Variants in EHMT1 observed in about 807,000 individuals in gnomAD.
The protein encoded by EHMT1 is euchromatic histone lysine methyltransferase 1.
In EHMT1, 15 loss-of-function variants were observed where a neutral mutation model predicts 147.2. That is an observed-to-expected ratio of 0.10 (90% confidence interval 0.07 to 0.16). The LOEUF (loss-of-function observed/expected upper bound fraction) is 0.16. Ranked by LOEUF, EHMT1 falls within the 10% of genes least tolerant of loss-of-function variation. The pLI, the probability that EHMT1 is intolerant of heterozygous loss-of-function variation, is 1.00. For synonymous variants in EHMT1, 795 were observed against 709.6 expected, an observed-to-expected ratio of 1.12 and a Z score of -1.91; for missense variants, 1,587 against 1,772.4, an observed-to-expected ratio of 0.90 and a Z score of 1.88.
At chr9:137,799,659 C>T (rs117017425) in intron 17 of EHMT1, among the ~76,000 whole-genome samples, 1 of 152,348 alleles carries the variant, frequency 6.6e-6, no homozygotes, top group East Asian at 1.9e-4. Flanking sequence ...CTCACGCTCG[C>T]TCTCACTCCT....
In EHMT1 at chr9:137,813,105, G is replaced by A. The variant is rs552223359; in HGVS notation, c.2967G>A (p.Leu989=). The change falls in exon 20 of 27, where the codon CTG becomes CTA. Residue 989 remains leucine (L), a synonymous_variant. Transcript: ENST00000460843. The surrounding 1 kb of genome is among the most constrained non-coding windows in gnomAD (Gnocchi z 4.9). ...TCAACTCTCAGGTGTGGAGCGCTCT[G>A]CAGATGAGCAAGGCTCTGCAGGACT... ...ASLNSQVWSA[L]QMSKALQDSA... is the part of the protein sequence containing the mutation. 1.9e-6 allele frequency: 3 copies of A among 1,613,438 alleles called. No homozygotes were observed. The highest frequency in any genetic ancestry group is 4.5e-5 in the East Asian group (2 of 44,878).
At chr9:137,805,390 C>T (rs1168263714) in intron 18 of EHMT1, among the ~76,000 whole-genome samples, 2 of 152,166 alleles carry the variant, frequency 1.3e-5, no homozygotes, top group African/African-American at 2.4e-5. Flanking sequence ...GTGAGCCAGT[C>T]GTCCACATGT....
At chr9:137,751,787 CTG>C (rs1244126337) in intron 6 of EHMT1, among the ~76,000 whole-genome samples, 5 of 152,168 alleles carry the variant, frequency 3.3e-5, no homozygotes, top group Non-Finnish European at 7.4e-5. Context: ...GCACTGTCGT[CTG>C]TGGGCCCACG....
chr9:137,633,490 T>C (rs1241488426), intron 1 of EHMT1, among the ~76,000 whole-genome samples: 1 of 152,184 alleles, frequency 6.6e-6, no homozygotes, highest in Non-Finnish European at 1.5e-5. Context: ...TCTTTGAAAA[T>C]GTCTTCACAC....
At chr9:137,665,079 GAGA>G (rs1939486606) in intron 1 of EHMT1, 1 of 152,214 alleles carries the variant, frequency 6.6e-6, no homozygotes. Context: ...AGCATTTATA[GAGA>G]AGGATTGGTG....
intron 2 of EHMT1, chr9:137,715,799 T>C (rs1420971085): frequency 1.0e-6 from 1 of 985,302 alleles, no homozygotes; most frequent in Admixed American, 6.1e-5. Context: ...CTCTGTTAGT[T>C]ATTGTGAAGC....
intron 1 of EHMT1, among the ~76,000 whole-genome samples, chr9:137,658,601 G>A (rs1207172102): frequency 2.0e-5 from 3 of 151,012 alleles, no homozygotes; most frequent in Non-Finnish European, 2.9e-5. Flanking sequence ...TTATAAAATT[G>A]CATAGAAAAA....
At chr9:137,802,239 C>T (rs748360733) in intron 18 of EHMT1, among the ~76,000 whole-genome samples, 2 of 152,178 alleles carry the variant, frequency 1.3e-5, no homozygotes, top group Non-Finnish European at 2.9e-5. Context: ...CCTCCCAAGA[C>T]GGGCATAGAC....
At chr9:137,716,081 C>CATG (rs1564626305) in intron 2 of EHMT1, among the ~76,000 whole-genome samples, 24 of 52,280 alleles carry the variant, frequency 4.6e-4, no homozygotes, top group African/African-American at 1.7e-3. Context: ...ATTGTGGTGT[C>CATG]GTGGTGGGGG....
chr9:137,785,526 C>T (rs553745242), intron 15 of EHMT1: 2 of 151,884 alleles, frequency 1.3e-5, no homozygotes, highest in African/African-American at 4.9e-5. Flanking sequence ...TCCTCCTGTG[C>T]CTGGAATTCC....
intron 1 of EHMT1, chr9:137,638,152 C>G (rs1193853383): frequency 6.6e-6 from 1 of 151,662 alleles, no homozygotes; most frequent in Non-Finnish European, 1.5e-5. Context: ...GCCCTTTTGC[C>G]CAGGCTGGAG....
intron 1 of EHMT1, among the ~76,000 whole-genome samples, chr9:137,661,062 GGATGTTTTTAT>G (rs1939025261): frequency 6.6e-6 from 1 of 152,140 alleles, no homozygotes; most frequent in Non-Finnish European, 1.5e-5. Flanking sequence ...CAATGCTAGT[GGATGTTTTTAT>G]TCTTGGTTTT....
intron 4 of EHMT1, among the ~76,000 whole-genome samples, chr9:137,739,744 C>T (rs1028598639): frequency 5.3e-5 from 8 of 152,240 alleles, no homozygotes; most frequent in Non-Finnish European, 1.2e-4. Flanking sequence ...AGGACATGCC[C>T]AGAGTGGAGG....
intron 1 of EHMT1, among the ~76,000 whole-genome samples, chr9:137,627,107 C>T (rs200163068): frequency 1.7e-4 from 26 of 152,102 alleles, no homozygotes; most frequent in Admixed American, 1.1e-3. Flanking sequence ...TATAGGCGTG[C>T]GCCACCACGC....
chr9:137,763,247 G>T, intron 10 of EHMT1: 1 of 354,520 alleles, frequency 2.8e-6, no homozygotes. Flanking sequence ...CCTTTCACCG[G>T]GGATCACAGA....
chr9:137,721,055 G>A (rs187730741), intron 3 of EHMT1, among the ~76,000 whole-genome samples: 1 of 152,050 alleles, frequency 6.6e-6, no homozygotes, highest in East Asian at 1.9e-4. Flanking sequence ...TTTATTTAGC[G>A]CTTCTGTTGG....
chr9:137,664,718 G>T (rs563239398), intron 1 of EHMT1, among the ~76,000 whole-genome samples: 3 of 152,026 alleles, frequency 2.0e-5, no homozygotes, highest in Non-Finnish European at 2.9e-5. Flanking sequence ...TTGTCCATAT[G>T]GGGGAGGGAG....
intron 1 of EHMT1, among the ~76,000 whole-genome samples, chr9:137,669,014 T>G (rs1263541130): frequency 6.6e-6 from 1 of 152,094 alleles, no homozygotes; most frequent in Non-Finnish European, 1.5e-5. Context: ...AGCCTCCAGA[T>G]TAGCTGGGAC....
At chr9:137,758,081 A>G (rs1949516607) in intron 9 of EHMT1, 70 bp downstream of exon 9, 1 of 1,599,974 alleles carries the variant, frequency 6.3e-7, no homozygotes, top group Non-Finnish European at 8.6e-7. Flanking sequence ...CTTCCTCTGT[A>G]TTAGCATGAT....
Sources: gnomAD v4.1 joint callset for allele counts (sites outside exome capture counted in the v4.1 genomes callset) on GRCh38, gnomAD v4.1.1 for gene constraint, Gnocchi (gnomAD v3.1) non-coding constraint, MANE v1.5 for transcripts, NCBI Gene and HGNC (gene_info 2026-07-23, HGNC 2026-07-21) for gene names.